Variants in THOP1 observed in about 807,000 individuals in gnomAD.
THOP1 encodes the protein thimet oligopeptidase 1.
A neutral mutation model predicts 71.8 loss-of-function variants in THOP1; 49 were observed. That is an observed-to-expected ratio of 0.68 (90% confidence interval 0.54 to 0.87). The LOEUF (loss-of-function observed/expected upper bound fraction) is 0.87. Ranked by LOEUF, THOP1 falls within the 40% of genes least tolerant of loss-of-function variation. The pLI is 0.00. For synonymous variants in THOP1, 426 were observed against 421.5 expected (o/e 1.01, Z -0.13); for missense variants, 843 against 975.6 (o/e 0.86, Z 1.81).
chr19:2,786,722 C>A (rs1428297761), intron 1 of THOP1, among the ~76,000 whole-genome samples: 1 of 148,458 alleles, frequency 6.7e-6, no homozygotes, highest in Admixed American at 6.8e-5. Context: ...CTTCAGCCTC[C>A]CAAGCAGCTG....
chr19:2,799,647 C>T, intron 4 of THOP1, 42 bp from the exon 5 acceptor site: 1 of 1,542,656 alleles, frequency 6.5e-7, no homozygotes, highest in South Asian at 1.1e-5. Flanking sequence ...GCGGAGCCCG[C>T]CCCGGTCTCT....
intron 1 of THOP1, among the ~76,000 whole-genome samples, chr19:2,786,490 G>A (rs989185550): frequency 1.3e-5 from 2 of 151,954 alleles, no homozygotes; most frequent in African/African-American, 4.8e-5. Context: ...CACCTGCCTC[G>A]GCCTCCCAAA....
At chr19:2,803,029 G>A (rs879870385) in intron 5 of THOP1, among the ~76,000 whole-genome samples, 19 of 151,478 alleles carry the variant, frequency 1.3e-4, no homozygotes, top group Middle Eastern at 3.4e-3. Flanking sequence ...CGCGCTTACT[G>A]TGGGGCGCGC....
At chr19:2,799,471 G>T (rs905130697) in intron 4 of THOP1, among the ~76,000 whole-genome samples, 1 of 152,204 alleles carries the variant, frequency 6.6e-6, no homozygotes, top group African/African-American at 2.4e-5. Context: ...TTTGGATGCC[G>T]CAGCTGGTGT....
chr19:2,796,830 T>G (rs545394890), intron 4 of THOP1, among the ~76,000 whole-genome samples: 2 of 152,196 alleles, frequency 1.3e-5, no homozygotes, highest in Admixed American at 1.3e-4. Context: ...CACACAGACA[T>G]GGGGCGCAGA....
At chr19:2,786,246 C>T (rs1309143845) in intron 1 of THOP1, among the ~76,000 whole-genome samples, 2 of 152,100 alleles carry the variant, frequency 1.3e-5, no homozygotes, top group African/African-American at 2.4e-5. Context: ...TGGAACGTAA[C>T]GAGGGGACCT....
rs1259799989 is a variant in THOP1, at chr19:2,794,864, G to A, written c.330G>A (p.Val110=). 6.2e-7 allele frequency: 1 copy of A among 1,613,914 alleles called. No homozygotes were observed. The highest frequency in any genetic ancestry group is 1.3e-5 in the African/African-American group (1 of 74,910). The change falls in exon 3 of 13, where the codon GTG becomes GTA. Residue 110 remains valine (V), a synonymous_variant. Coordinates refer to ENST00000307741, the MANE Select transcript of THOP1 (RefSeq NM_003249.5). ...ACAAGAAGCTCTCTGAGTTCGACGT[G>A]GAGATGAGCATGAGGGAGGACGTGT... is the stretch of plus-strand genomic sequence containing the variant. ...EADKKLSEFD[V]EMSMREDVYQ... is the part of the protein sequence containing the mutation.
chr19:2,799,549 T>C, intron 4 of THOP1, 140 bp from the exon 5 acceptor site: 1 of 652,116 alleles, frequency 1.5e-6, no homozygotes, highest in Admixed American at 2.4e-5. Context: ...TCTCACTCTT[T>C]CCTCCTCGGT....
intron 12 of THOP1, chr19:2,812,226 C>T (rs1055568827): frequency 4.8e-5 from 74 of 1,528,528 alleles, no homozygotes; most frequent in Non-Finnish European, 5.5e-5. Flanking sequence ...GCGGCCGTTA[C>T]GCCATGTGAG....
intron 10 of THOP1, 21 bp from the exon 11 acceptor site, chr19:2,810,619 C>A: frequency 6.5e-7 from 1 of 1,546,630 alleles, no homozygotes; most frequent in South Asian, 1.2e-5. Flanking sequence ...GAGGCCAGCT[C>A]TCTCCTTCCC....
In THOP1 at chr19:2,813,941, G is replaced by A. The variant is rs1434252593; in HGVS notation, c.*665G>A. 2.6e-5 allele frequency: 4 copies of A among 152,522 alleles called. No homozygotes were observed. The highest frequency in any genetic ancestry group is 5.9e-5 in the Non-Finnish European group (4 of 68,286). 9.4% of individuals were successfully genotyped at this position (152,522 alleles called of 1,614,324 possible). ...GCAGGCCCTGTGCGCACAGGCAGCCGGGGCGGGGCTGGGGGTCAGCAGCTG... is the reference window on the plus strand; with the variant it reads ...GCAGGCCCTGTGCGCACAGGCAGCCAGGGCGGGGCTGGGGGTCAGCAGCTG... On this transcript the variant is annotated 3_prime_UTR_variant, in exon 13 of 13. Coordinates refer to ENST00000307741, the MANE Select transcript of THOP1 (RefSeq NM_003249.5).
At chr19:2,794,951 G>A in intron 3 of THOP1, 39 bp downstream of exon 3, 1 of 1,587,470 alleles carries the variant, frequency 6.3e-7, no homozygotes, top group African/African-American at 1.3e-5. Context: ...AGCCTCCCAA[G>A]TAACTAGGAT....
intron 1 of THOP1, 23 bp downstream of exon 1, chr19:2,785,701 G>A (rs751003184): frequency 1.4e-6 from 2 of 1,437,648 alleles, no homozygotes; most frequent in South Asian, 1.5e-5. Flanking sequence ...CCGCTCGCCG[G>A]ACCCGGGCGT....
intron 1 of THOP1, among the ~76,000 whole-genome samples, chr19:2,788,620 A>G (rs1279582691): frequency 6.6e-6 from 1 of 152,194 alleles, no homozygotes; most frequent in East Asian, 1.9e-4. Flanking sequence ...CTAGGATTAC[A>G]GGTGCCTGCC....
At chr19:2,810,603 G>A in intron 10 of THOP1, 37 bp from the exon 11 acceptor site, 1 of 1,540,114 alleles carries the variant, frequency 6.5e-7, no homozygotes, top group Non-Finnish European at 8.8e-7. Flanking sequence ...GGCCGGGGCA[G>A]GTGCAGAGGC....
chr19:2,799,624 G>A (rs535659994), intron 4 of THOP1, 65 bp from the exon 5 acceptor site: 230 of 1,348,496 alleles, frequency 1.7e-4, no homozygotes, highest in Non-Finnish European at 2.3e-4. Flanking sequence ...GTTCCCAGGC[G>A]TTGCGTCTCC....
At chr19:2,808,507 G>A (rs1453060276) in intron 9 of THOP1, 63 bp downstream of exon 9, 121 of 1,494,172 alleles carry the variant, frequency 8.1e-5, no homozygotes, top group Middle Eastern at 2.0e-4. Flanking sequence ...TGTGGTCAGC[G>A]AGGCCCAAGC....
chr19:2,788,330 T>G (rs1915799077), intron 1 of THOP1, among the ~76,000 whole-genome samples: 1 of 152,216 alleles, frequency 6.6e-6, no homozygotes, highest in African/African-American at 2.4e-5. Context: ...TAGCTTGTTG[T>G]GCCTGCCCCA....
At chr19:2,789,146 TCCTTGGC>T (rs1915817763) in intron 1 of THOP1, among the ~76,000 whole-genome samples, 1 of 152,186 alleles carries the variant, frequency 6.6e-6, no homozygotes, top group Non-Finnish European at 1.5e-5. Context: ...AAGCTGAAAA[TCCTTGGC>T]CCTTTGCAGA....
Sources: gnomAD v4.1 joint callset for allele counts (sites outside exome capture counted in the v4.1 genomes callset) on GRCh38, gnomAD v4.1.1 for gene constraint, MANE v1.5 for transcripts, NCBI Gene and HGNC (gene_info 2026-07-23, HGNC 2026-07-21) for gene names.